Variants in AKT2 observed in about 807,000 individuals in gnomAD.
AKT2 encodes AKT serine/threonine kinase 2.
A neutral mutation model predicts 58.6 loss-of-function variants in AKT2; 16 were observed. The observed-to-expected ratio is 0.27, with a 90% CI of 0.18 to 0.41. The LOEUF (loss-of-function observed/expected upper bound fraction) is 0.41, where lower values mean the gene tolerates loss of function less well. Among genes scored for constraint, AKT2 ranks in the 10% least tolerant of loss-of-function variants. AKT2 has a pLI of 1.00. For synonymous variants in AKT2, 253 were observed against 254.0 expected, an observed-to-expected ratio of 1.00 and a Z score of 0.04; for missense variants, 438 against 661.0, an observed-to-expected ratio of 0.66 and a Z score of 3.70.
chr19:40,250,329 C>A (rs193236203), intron 4 of AKT2, among the ~76,000 whole-genome samples: 43 of 151,970 alleles, frequency 2.8e-4, no homozygotes, highest in African/African-American at 9.4e-4. Context: ...ATGAGAGAAA[C>A]CCCATCTCTA....
At chr19:40,275,204 G>A (rs984045278) in intron 1 of AKT2, 2 of 456,724 alleles carry the variant, frequency 4.4e-6, no homozygotes, top group African/African-American at 2.0e-5. Flanking sequence ...CAAGAGACAG[G>A]GCCACCTCCC....
Position 40,236,086 on chromosome 19 carries a change from A to G in AKT2, c.979T>C (p.Tyr327His). 6.2e-7 allele frequency: 1 copy of G among 1,614,062 alleles called. No individual in the cohort carries two copies. The highest frequency in any genetic ancestry group is 8.5e-7 in the Non-Finnish European group (1 of 1,179,996). Residue 327 changes from tyrosine (Y) to histidine (H), a missense_variant, in exon 11 of 14, where the codon TAT becomes CAT. Transcript: ENST00000392038. ...LAPEVLEDND[Y>H]GRAVDWWGLG... The stretch of plus-strand genomic sequence containing the variant: ...CCCCACCAGTCCACGGCCCGGCCAT[A>G]GTCATTGTCCTCCAGCACCTGAGGA...
rs141157072 is a variant in AKT2, at chr19:40,268,243, C to T, written c.-84-2892G>A. On this transcript the variant is annotated intron_variant, in intron 1 of 13. Transcript: ENST00000392038. ...ACAGGGGCTCCATGTCTCATCTCCC[C>T]TCTCGCTGGCCCACAGCGGCCCAGG... 2.2e-3 allele frequency among the ~76,000 whole-genome samples: 333 copies of T among 152,362 alleles called. 1 individual carries two copies. Among genetic ancestry groups the T allele is most frequent in the Non-Finnish European group, 3.1e-3 (213 of 68,028 alleles).
intron 2 of AKT2, among the ~76,000 whole-genome samples, chr19:40,264,619 C>G (rs1436310907): frequency 6.6e-6 from 1 of 152,062 alleles, no homozygotes; most frequent in East Asian, 1.9e-4. Flanking sequence ...CCTTGCTGTC[C>G]CTCTCCCTGG....
intron 10 of AKT2, 40 bp downstream of exon 10, chr19:40,236,217 C>T (rs915866411): frequency 1.2e-6 from 2 of 1,613,422 alleles, no homozygotes; most frequent in African/African-American, 2.7e-5. Flanking sequence ...TCCCCCTACC[C>T]TTGGCCTCAC....
chr19:40,241,651 C>A (rs887295729), intron 6 of AKT2: 4 of 468,100 alleles, frequency 8.5e-6, no homozygotes, highest in African/African-American at 2.0e-5. Context: ...CGACGTCCTC[C>A]CCAACAGGCC....
intron 2 of AKT2, among the ~76,000 whole-genome samples, chr19:40,261,489 C>T (rs759342001): frequency 3.3e-5 from 5 of 151,056 alleles, no homozygotes; most frequent in Admixed American, 6.6e-5. Context: ...GCCGAGATCG[C>T]GCCACGGCAC....
chr19:40,235,367 G>A lies in AKT2; in HGVS notation c.1176-17C>T, dbSNP rs3730264. On this transcript the variant is annotated splice_polypyrimidine_tract_variant and intron_variant, in intron 11 of 13. Coordinates refer to ENST00000392038, the MANE Select transcript of AKT2 (RefSeq NM_001626.6). This position sits in a 1 kb window ranked among gnomAD's most constrained non-coding sequence, Gnocchi z 6.3. ...CCACCAAGCCTGTGCAGAGACGGCC[G>A]TCAGCACCTGCCTCCCGGAGCAGCT... 2.4e-3 allele frequency: 3,882 copies of A among 1,612,978 alleles called. 61 individuals are homozygous for A. In the African/African-American group the frequency reaches 0.042, roughly 17 times the overall value.
Position 40,246,905 on chromosome 19 carries a change from C to T in AKT2, c.288-4218G>A, listed in dbSNP as rs145167115. On this transcript the variant is annotated intron_variant, in intron 4 of 13. Coordinates refer to ENST00000392038, the MANE Select transcript of AKT2 (RefSeq NM_001626.6). Reference sequence around the variant, plus strand: ...CCTGGGCCTGGGGCTAAGAGGTTGGCGGGCTGTCGGCGCAGAGCACCGCGC... The same window carrying T: ...CCTGGGCCTGGGGCTAAGAGGTTGGTGGGCTGTCGGCGCAGAGCACCGCGC... Among the ~76,000 whole-genome samples the T allele has an allele frequency of 3.4e-3, 525 of 152,314 alleles. 4 individuals carry two copies. Among genetic ancestry groups the T allele is most frequent in the African/African-American group, 0.011 (472 of 41,572 alleles).
rs1053242160 is a variant in AKT2, at chr19:40,234,117, CA to C, written c.1367-167del. On this transcript the variant is annotated intron_variant, in intron 13 of 13. Coordinates refer to ENST00000392038, the MANE Select transcript of AKT2 (RefSeq NM_001626.6). This position sits in a 1 kb window ranked among gnomAD's most constrained non-coding sequence, Gnocchi z 4.7. ...GGCCCTCAGCCACGGACCCACTCCC[CA>C]AACCTGAGCCCCGGGCGGCCTCCTC... Among the ~76,000 whole-genome samples, 3 of 152,164 alleles carry C rather than the reference CA, an allele frequency of 2.0e-5. No homozygotes were observed. The highest frequency in any genetic ancestry group is 2.9e-5 in the Non-Finnish European group (2 of 68,006).
At chr19:40,250,622 G>T (rs1231861958) in intron 4 of AKT2, among the ~76,000 whole-genome samples, 1 of 152,142 alleles carries the variant, frequency 6.6e-6, no homozygotes, top group East Asian at 1.9e-4. Flanking sequence ...GAGCCCAGGG[G>T]TTCAAGACCA....
rs1276329576 is a variant in AKT2 at position 40,234,914 on chromosome 19, C to G, written c.1366+131G>C. The G allele has an allele frequency of 1.1e-6, 1 of 881,194 alleles. No homozygotes were observed. The highest frequency in any genetic ancestry group is 2.0e-5 in the Admixed American group (1 of 50,302). The allele number at this position is 881,194 out of a possible 1,614,324, so 54.6% of individuals were successfully genotyped here. ...GACCAACAGCAAAAGGGCCTGAGAG[C>G]AGACTTGGGGAAATCTCCCAGACAT... On this transcript the variant is annotated intron_variant, in intron 13 of 13. Coordinates refer to ENST00000392038, the MANE Select transcript of AKT2 (RefSeq NM_001626.6). The surrounding 1 kb of genome is among the most constrained non-coding windows in gnomAD (Gnocchi z 4.7).
At chr19:40,239,843 A>G in intron 7 of AKT2, 1 of 709,738 alleles carries the variant, frequency 1.4e-6, no homozygotes, top group Non-Finnish European at 2.6e-6. Context: ...TCTATGAAGA[A>G]GCTGTCACCC....
rs371943261 is a variant in AKT2 at position 40,240,092 on chromosome 19, C to T, written c.592G>A (p.Val198Ile). The T allele has an allele frequency of 6.2e-7, 1 of 1,614,036 alleles. No homozygotes were observed. The highest frequency in any genetic ancestry group is 1.1e-5 in the South Asian group (1 of 91,082). The change falls in exon 7 of 14, where the codon GTC becomes ATC. Residue 198 changes from valine (V) to isoleucine (I), a missense_variant. Val to Ile is a conservative substitution (Grantham distance 29). Around this residue, in one of 3 missense-constraint regions of AKT2, gnomAD observed 244 missense variants for 347.1 expected, o/e 0.70. Coordinates refer to ENST00000392038, the MANE Select transcript of AKT2 (RefSeq NM_001626.6). ...IIAKDEVAHTVTESRVLQNTR... is the reference protein window; with the variant it reads ...IIAKDEVAHTITESRVLQNTR... The stretch of plus-strand genomic sequence containing the variant: ...TTCTGGAGGACCCGGCTCTCGGTGA[C>T]TGTGTGAGCGACTTCATCCTGCAGA...
In AKT2 at chr19:40,241,946, T is replaced by G; in HGVS notation, c.565A>C (p.Ile189Leu). The G allele has an allele frequency of 6.2e-7, 1 of 1,614,010 alleles. No homozygotes were observed. Residue 189 changes from isoleucine (I) to leucine (L), a missense_variant, in exon 6 of 14, where the codon ATT (isoleucine) becomes CTT (leucine). Ile to Leu is a conservative substitution (Grantham distance 5). Coordinates refer to ENST00000392038, the MANE Select transcript of AKT2 (RefSeq NM_001626.6). ...AMKILRKEVI[I>L]AKDEVAHTVT... ...ATTCCCGGGGCACGCACCTTGGCAA[T>G]GATGACTTCCTTCCGCAGGATCTTC...
chr19:40,244,045 AAATAATAATAAAATAATAAT>A (rs2145216892), intron 4 of AKT2: 1 of 108,150 alleles, frequency 9.2e-6, no homozygotes, highest in South Asian at 3.5e-4. Context: ...CTCCATCCCA[AAATAATAATAAAATAATAAT>A]AATAATAATA....
At chr19:40,255,011 A>G (rs111543333) in intron 4 of AKT2, 147 bp downstream of exon 4, 6 of 659,020 alleles carry the variant, frequency 9.1e-6, no homozygotes, top group African/African-American at 3.6e-5. Flanking sequence ...AGCTCTTCTC[A>G]GCCCCAGCTG....
At chr19:40,267,714 C>T (rs1976459817) in intron 1 of AKT2, among the ~76,000 whole-genome samples, 1 of 152,218 alleles carries the variant, frequency 6.6e-6, no homozygotes, top group Non-Finnish European at 1.5e-5. Context: ...AGACTCTCTT[C>T]ATGACACCAA....
Position 40,232,122 on chromosome 19 carries a change from T to C in AKT2, c.*1750A>G, listed in dbSNP as rs944606379. 1.7e-5 allele frequency: 4 copies of C among 233,316 alleles called. No individual in the cohort carries two copies. The highest frequency in any genetic ancestry group is 5.6e-5 in the Admixed American group (1 of 17,744). The allele number at this position is 233,316 out of a possible 1,614,324, so 14.5% of individuals were successfully genotyped here. On this transcript the variant is annotated 3_prime_UTR_variant, in exon 14 of 14. Transcript: ENST00000392038. ...CCCCACCCCCACATGCGGGGAGCCT[T>C]CCCATACCCCTCAGCCCCACAGCAC...
Sources: allele counts gnomAD v4.1 joint callset (sites outside exome capture counted in the v4.1 genomes callset), GRCh38; gene constraint gnomAD v4.1.1; regional missense constraint gnomAD v4.1.1; non-coding constraint Gnocchi (gnomAD v3.1); transcripts MANE v1.5; gene names NCBI Gene and HGNC (gene_info 2026-07-23, HGNC 2026-07-21).